Variants in DLGAP2 observed in about 807,000 individuals in gnomAD.
The protein encoded by DLGAP2 is disks large-associated protein 2.
In DLGAP2, 26 loss-of-function variants were observed where a neutral mutation model predicts 100.3. That is an observed-to-expected ratio of 0.26 (90% CI 0.19 to 0.36). The LOEUF (loss-of-function observed/expected upper bound fraction) is 0.36. DLGAP2 is among the 10% of genes least tolerant of loss of function. The pLI, the probability that DLGAP2 is intolerant of heterozygous loss-of-function variation, is 1.00. For synonymous variants in DLGAP2, 886 were observed against 630.1 expected, an observed-to-expected ratio of 1.41 and a Z score of -6.08; for missense variants, 1,858 against 1,453.2, an observed-to-expected ratio of 1.28 and a Z score of -4.53.
At chr8:1,039,764 G>A (rs1802261591) in intron 2 of DLGAP2, among the ~76,000 whole-genome samples, 1 of 141,774 alleles carries the variant, frequency 7.1e-6, no homozygotes, top group African/African-American at 2.7e-5. Flanking sequence ...AGTCGGCTCG[G>A]TGTGTGTGGT....
chr8:889,577 C>G (rs886087599), intron 1 of DLGAP2, among the ~76,000 whole-genome samples: 2 of 152,204 alleles, frequency 1.3e-5, no homozygotes, highest in Non-Finnish European at 2.9e-5. Flanking sequence ...ACACAGACGG[C>G]CACAGGGTGT....
chr8:1,379,908 G>A (rs1430037248), intron 3 of DLGAP2, among the ~76,000 whole-genome samples: 1 of 149,696 alleles, frequency 6.7e-6, no homozygotes, highest in African/African-American at 2.5e-5. Flanking sequence ...CTCCTGCTCG[G>A]TGGGGGCCTG....
At chr8:1,114,086 G>A (rs934176357) in intron 2 of DLGAP2, among the ~76,000 whole-genome samples, 7 of 152,102 alleles carry the variant, frequency 4.6e-5, no homozygotes, top group Non-Finnish European at 8.8e-5. Context: ...ATATGCTGTT[G>A]GATTTGGTTT....
chr8:1,493,317 C>T (rs1799447832), intron 3 of DLGAP2, among the ~76,000 whole-genome samples: 1 of 152,012 alleles, frequency 6.6e-6, no homozygotes, highest in South Asian at 2.1e-4. Context: ...CCTCCATCTC[C>T]GTGGCTTTCA....
At chr8:1,146,599 G>A (rs113105332) in intron 2 of DLGAP2, among the ~76,000 whole-genome samples, 1,847 of 152,204 alleles carry the variant, frequency 0.012, 33 homozygotes, top group African/African-American at 0.037. Context: ...GTGCACCTGC[G>A]CATGTGTGTG....
At chr8:1,512,861 G>T (rs923991637) in intron 4 of DLGAP2, among the ~76,000 whole-genome samples, 3 of 152,258 alleles carry the variant, frequency 2.0e-5, no homozygotes, top group African/African-American at 7.2e-5. Flanking sequence ...GAATGACCCT[G>T]ATCCTGGAAA....
chr8:1,039,248 GTGGTCGTCTCAGTTTCCA>G (rs1245465368), intron 2 of DLGAP2, among the ~76,000 whole-genome samples: 1 of 148,804 alleles, frequency 6.7e-6, no homozygotes, highest in Admixed American at 6.7e-5. Context: ...CTCGGTGTGC[GTGGTCGTCTCAGTTTCCA>G]TGGTCGGCTC....
At chr8:1,362,164 C>A (rs1801996580) in intron 3 of DLGAP2, among the ~76,000 whole-genome samples, 1 of 152,186 alleles carries the variant, frequency 6.6e-6, no homozygotes, top group Non-Finnish European at 1.5e-5. Context: ...GCAGCGCCGT[C>A]TCGGCACTGG....
intron 3 of DLGAP2, among the ~76,000 whole-genome samples, chr8:1,351,709 G>GACGTGCGGGT (rs1801730670): frequency 1.5e-5 from 1 of 66,054 alleles, no homozygotes; most frequent in Non-Finnish European, 3.1e-5. Context: ...GCGTGGAAAG[G>GACGTGCGGGT]CCATGCGGGT....
chr8:1,371,789 C>A (rs1281048094), intron 3 of DLGAP2, among the ~76,000 whole-genome samples: 1 of 152,152 alleles, frequency 6.6e-6, no homozygotes, highest in East Asian at 1.9e-4. Context: ...TTCTCATATT[C>A]CACGTGCATC....
chr8:1,415,628 C>T (rs972523296), intron 3 of DLGAP2, among the ~76,000 whole-genome samples: 2 of 152,206 alleles, frequency 1.3e-5, no homozygotes, highest in East Asian at 1.9e-4. Context: ...CGTGTTGCTG[C>T]AGAGGACGTG....
intron 2 of DLGAP2, among the ~76,000 whole-genome samples, chr8:1,080,291 C>T (rs573784823): frequency 1.8e-4 from 28 of 152,300 alleles, no homozygotes; most frequent in African/African-American, 6.5e-4. Flanking sequence ...CCGCCGCCCG[C>T]GTGCTGCTGT....
At chr8:1,028,466 C>T (rs923888130) in intron 2 of DLGAP2, among the ~76,000 whole-genome samples, 3 of 149,784 alleles carry the variant, frequency 2.0e-5, no homozygotes, top group Admixed American at 6.6e-5. Flanking sequence ...GGGTGTCAGG[C>T]GCCCTTTATT....
intron 2 of DLGAP2, among the ~76,000 whole-genome samples, chr8:1,106,761 C>T (rs930613462): frequency 3.3e-5 from 5 of 151,848 alleles, no homozygotes; most frequent in African/African-American, 1.2e-4. Context: ...TGAAGGGAGC[C>T]ATTCTAGGAG....
At chr8:1,576,473 T>C (rs1193207607) in intron 6 of DLGAP2, among the ~76,000 whole-genome samples, 1 of 152,226 alleles carries the variant, frequency 6.6e-6, no homozygotes, top group East Asian at 1.9e-4. Context: ...TTTAGTTTAA[T>C]TAGATCCCAT....
intron 1 of DLGAP2, among the ~76,000 whole-genome samples, chr8:789,572 T>C (rs1821970211): frequency 6.6e-6 from 1 of 152,222 alleles, no homozygotes; most frequent in South Asian, 2.1e-4. Context: ...AAACTGACTC[T>C]GGATGATGGC....
chr8:1,029,619 G>C (rs548590623), intron 2 of DLGAP2, among the ~76,000 whole-genome samples: 1 of 131,238 alleles, frequency 7.6e-6, no homozygotes, highest in Non-Finnish European at 1.5e-5. Flanking sequence ...TGGCAGGATG[G>C]CCTAGGGTGT....
At chr8:1,590,693 T>A (rs114761587) in intron 6 of DLGAP2, among the ~76,000 whole-genome samples, 1 of 152,216 alleles carries the variant, frequency 6.6e-6, no homozygotes, top group South Asian at 2.1e-4. Context: ...TTCTAAGAAA[T>A]TGGTTGCTCA....
intron 2 of DLGAP2, among the ~76,000 whole-genome samples, chr8:1,020,908 T>C (rs1801606697): frequency 6.6e-6 from 1 of 152,152 alleles, no homozygotes; most frequent in South Asian, 2.1e-4. Context: ...CATCCCCCAT[T>C]CATACAAATG....
Sources: gnomAD v4.1 joint callset for allele counts (sites outside exome capture counted in the v4.1 genomes callset) on GRCh38, gnomAD v4.1.1 for gene constraint, MANE v1.5 for transcripts, NCBI Gene and HGNC (gene_info 2026-07-23, HGNC 2026-07-21) for gene names.